The following HS2ST1 variants were observed in gnomAD, a reference collection of about 807,000 sequenced individuals.
The protein encoded by HS2ST1 is 2-O-sulfotransferase.
HS2ST1 carries 18 observed loss-of-function variants against 42.9 expected under a neutral mutation model. The observed-to-expected ratio is 0.42, with a 90% CI of 0.29 to 0.62. The LOEUF is 0.62. Ranked by LOEUF, HS2ST1 falls within the 20% of genes least tolerant of loss-of-function variation. HS2ST1 has a pLI of 0.21. For synonymous variants in HS2ST1, 146 were observed against 152.9 expected, an observed-to-expected ratio of 0.95 and a Z score of 0.33; for missense variants, 334 against 433.8, an observed-to-expected ratio of 0.77 and a Z score of 2.04.
intron 1 of HS2ST1, among the ~76,000 whole-genome samples, chr1:86,933,706 A>ATTTTTTTT: frequency 7.7e-6 from 1 of 129,196 alleles, no homozygotes; most frequent in Non-Finnish European, 1.6e-5. Flanking sequence ...ATGCCTTGTA[A>ATTTTTTTT]TTTTTTTTTT....
chr1:86,927,195 G>A (rs558966871), intron 1 of HS2ST1, among the ~76,000 whole-genome samples: 42 of 152,316 alleles, frequency 2.8e-4, no homozygotes, highest in African/African-American at 8.9e-4. Context: ...AAGAGAATCA[G>A]AGGGATGGTA....
intron 1 of HS2ST1, among the ~76,000 whole-genome samples, chr1:86,953,267 G>A (rs572600726): frequency 2.0e-5 from 3 of 152,320 alleles, no homozygotes; most frequent in South Asian, 2.1e-4. Context: ...GAATGTTGTG[G>A]CCAGTTTGAT....
At position 87,057,082 on chromosome 1, in the gene HS2ST1, C is replaced by G. The variant is rs1221378289; in HGVS notation, c.125-15852C>G. Among the ~76,000 whole-genome samples, 3 of 152,218 alleles carry G rather than the reference C, an allele frequency of 2.0e-5. No homozygotes were observed. In the East Asian group the frequency reaches 5.8e-4, roughly 29 times the overall value. On this transcript the variant is annotated intron_variant, in intron 1 of 6. Coordinates refer to ENST00000370550, the MANE Select transcript of HS2ST1 (RefSeq NM_012262.4). ...GAAAATCCAGTTGTCTTCTATTAAGCCAGACACTTTATAAGATTTGCAAAA... is the reference window on the plus strand; with the variant it reads ...GAAAATCCAGTTGTCTTCTATTAAGGCAGACACTTTATAAGATTTGCAAAA...
intron 1 of HS2ST1, among the ~76,000 whole-genome samples, chr1:86,992,492 G>A (rs1333714998): frequency 2.0e-5 from 3 of 151,772 alleles, no homozygotes; most frequent in Non-Finnish European, 2.9e-5. Flanking sequence ...TCAGCCTCCC[G>A]AGTAGCTGGG....
chr1:87,106,130 TCATAC>T lies in HS2ST1; in HGVS notation c.*1438_*1442del, dbSNP rs1652319417. On this transcript the variant is annotated 3_prime_UTR_variant, in exon 7 of 7. Coordinates refer to ENST00000370550, the MANE Select transcript of HS2ST1 (RefSeq NM_012262.4). ...ATAGAAACATCTTTAACATATAGTT[TCATAC>T]CATTCATTTTTTAACAAAGAAAGGG... 1.3e-5 allele frequency: 2 copies of T among 152,682 alleles called. No homozygotes were observed. Among genetic ancestry groups the T allele is most frequent in the South Asian group, 4.1e-4 (2 of 4,830 alleles). The allele number at this position is 152,682 out of a possible 1,614,324, so 9.5% of individuals were successfully genotyped here.
intron 1 of HS2ST1, among the ~76,000 whole-genome samples, chr1:86,916,675 A>T (rs1171646139): frequency 6.6e-6 from 1 of 152,186 alleles, no homozygotes; most frequent in African/African-American, 2.4e-5. Context: ...ATTGAAGGTT[A>T]TCCAGTCTGG....
chr1:87,019,274 GA>G (rs1273157378), intron 1 of HS2ST1, among the ~76,000 whole-genome samples: 1 of 152,166 alleles, frequency 6.6e-6, no homozygotes, highest in African/African-American at 2.4e-5. Context: ...CTGTAAGAAG[GA>G]ATTAAGTCTT....
chr1:87,025,174 G>A (rs1425349543), intron 1 of HS2ST1, among the ~76,000 whole-genome samples: 1 of 57,514 alleles, frequency 1.7e-5, no homozygotes, highest in Admixed American at 2.5e-4. Flanking sequence ...TAACACTTCT[G>A]GAACTGGAGA....
At chr1:86,946,003 A>G (rs1319799258) in intron 1 of HS2ST1, among the ~76,000 whole-genome samples, 1 of 152,224 alleles carries the variant, frequency 6.6e-6, no homozygotes, top group African/African-American at 2.4e-5. Context: ...AGAGGTTTTC[A>G]TCGCTCTTTC....
chr1:87,067,601 T>C (rs1348011665), intron 1 of HS2ST1, among the ~76,000 whole-genome samples: 1 of 152,060 alleles, frequency 6.6e-6, no homozygotes, highest in Non-Finnish European at 1.5e-5. Flanking sequence ...TTTTGGCTTT[T>C]GTTGCCATTG....
intron 1 of HS2ST1, among the ~76,000 whole-genome samples, chr1:86,938,714 C>T (rs992788242): frequency 6.6e-6 from 1 of 152,084 alleles, no homozygotes; most frequent in Non-Finnish European, 1.5e-5. Context: ...AGTTAAGTAA[C>T]TGCTTATGAT....
chr1:87,059,943 A>T (rs939185712), intron 1 of HS2ST1, among the ~76,000 whole-genome samples: 1 of 152,168 alleles, frequency 6.6e-6, no homozygotes, highest in African/African-American at 2.4e-5. Context: ...CTTAGGCCCT[A>T]TATTGGACCT....
chr1:87,004,177 G>A (rs531615610), intron 1 of HS2ST1, among the ~76,000 whole-genome samples: 1 of 152,174 alleles, frequency 6.6e-6, no homozygotes, highest in African/African-American at 2.4e-5. Flanking sequence ...GATCACCTGA[G>A]GTCAGAAGTT....
Position 87,103,495 on chromosome 1 carries a change from G to C in HS2ST1, c.750G>C (p.Leu250=), listed in dbSNP as rs1306040770. ...AKYNLINEYF[L]VGVTEELEDF... ...ATAACCTAATTAATGAATATTTTCT[G>C]GTGGGAGTTACTGAAGAACTTGAAG... Residue 250 remains leucine (L), a synonymous_variant, in exon 6 of 7, where the codon CTG becomes CTC. Coordinates refer to ENST00000370550, the MANE Select transcript of HS2ST1 (RefSeq NM_012262.4). 6.2e-7 allele frequency: 1 copy of C among 1,612,784 alleles called. No homozygotes were observed.
At chr1:87,070,423 T>C in intron 1 of HS2ST1, among the ~76,000 whole-genome samples, 1 of 152,112 alleles carries the variant, frequency 6.6e-6, no homozygotes, top group African/African-American at 2.4e-5. Flanking sequence ...AAACGCCGTC[T>C]CTACAAAAAA....
At chr1:86,946,540 GAT>G (rs1557489182) in intron 1 of HS2ST1, among the ~76,000 whole-genome samples, 1 of 152,154 alleles carries the variant, frequency 6.6e-6, no homozygotes, top group Non-Finnish European at 1.5e-5. Context: ...AGCTGGGTAA[GAT>G]ATAGATGGTC....
At chr1:86,940,773 T>C (rs1320156602) in intron 1 of HS2ST1, among the ~76,000 whole-genome samples, 1 of 151,742 alleles carries the variant, frequency 6.6e-6, no homozygotes, top group African/African-American at 2.4e-5. Flanking sequence ...GGCAGTAGGA[T>C]TGCTTAGGCA....
At chr1:87,053,867 C>G (rs1357255627) in intron 1 of HS2ST1, among the ~76,000 whole-genome samples, 1 of 151,908 alleles carries the variant, frequency 6.6e-6, no homozygotes, top group Non-Finnish European at 1.5e-5. Flanking sequence ...GAACCAAAAG[C>G]TGATGAATTC....
intron 1 of HS2ST1, among the ~76,000 whole-genome samples, chr1:86,929,029 A>G (rs1239278067): frequency 6.6e-6 from 1 of 151,854 alleles, no homozygotes; most frequent in Non-Finnish European, 1.5e-5. Context: ...TTAGACAATA[A>G]CTAACAGTTA....
Sources: allele counts gnomAD v4.1 joint callset (sites outside exome capture counted in the v4.1 genomes callset), GRCh38; gene constraint gnomAD v4.1.1; transcripts MANE v1.5; gene names NCBI Gene and HGNC (gene_info 2026-07-23, HGNC 2026-07-21).